The following TRARG1 variants were observed in gnomAD, a reference collection of about 807,000 sequenced individuals.
TRARG1 encodes the protein trafficking regulator of GLUT4 (SLC2A4) 1 (gene/pseudogene).
Under a neutral mutation model 13.3 loss-of-function variants are expected in TRARG1, and 16 were observed. That is an observed-to-expected ratio of 1.20 (90% CI 0.81 to 1.83). The LOEUF is 1.83. Ranked by LOEUF, TRARG1 falls within the 40% of genes most tolerant of loss-of-function variation. The probability of loss-of-function intolerance (pLI) is 0.00; values close to 1 mark genes in which losing one functional copy is unlikely to be tolerated. For synonymous variants in TRARG1, 113 were observed against 106.2 expected (o/e 1.06, Z -0.39); for missense variants, 250 against 237.4 (o/e 1.05, Z -0.35).
intron 1 of TRARG1, among the ~76,000 whole-genome samples, chr17:1,284,644 G>A (rs772260323): frequency 1.1e-3 from 163 of 152,060 alleles, no homozygotes; most frequent in Middle Eastern, 6.8e-3. Flanking sequence ...AGTAGAGGAC[G>A]GTCAGGCCCC....
chr17:1,292,169 AAAAAC>A (rs143762295), intron 1 of TRARG1, among the ~76,000 whole-genome samples: 69,390 of 150,746 alleles, frequency 0.46, 16,477 homozygotes, highest in African/African-American at 0.58. Flanking sequence ...ACTCCATCTC[AAAAAC>A]AAAACAAAAC....
chr17:1,281,739 G>T (rs947101680), intron 1 of TRARG1, among the ~76,000 whole-genome samples: 45 of 152,034 alleles, frequency 3.0e-4, no homozygotes, highest in Middle Eastern at 3.2e-3. Context: ...ACAGGGAAAG[G>T]CCCCAGGAGG....
intron 1 of TRARG1, among the ~76,000 whole-genome samples, chr17:1,284,189 C>T (rs944529775): frequency 6.6e-6 from 1 of 152,136 alleles, no homozygotes; most frequent in Admixed American, 6.6e-5. Flanking sequence ...ACTCTCCATC[C>T]CTGCCCCTCC....
chr17:1,287,542 A>G (rs1451033176), intron 1 of TRARG1, among the ~76,000 whole-genome samples: 1 of 151,568 alleles, frequency 6.6e-6, no homozygotes, highest in Non-Finnish European at 1.5e-5. Flanking sequence ...TTGTATTTTT[A>G]TAGTAGAGAT....
chr17:1,282,662 C>G (rs1023016596), intron 1 of TRARG1, among the ~76,000 whole-genome samples: 1 of 150,388 alleles, frequency 6.6e-6, no homozygotes, highest in East Asian at 2.0e-4. Flanking sequence ...AGCCACTGAA[C>G]CTGGCCTGTT....
rs996390615 is a variant in TRARG1, at chr17:1,282,310, G to A, written c.387+1922G>A. Among the ~76,000 whole-genome samples the A allele has an allele frequency of 8.9e-4, 135 of 151,130 alleles. 2 individuals carry two copies. The highest frequency in any genetic ancestry group is 1.7e-3 in the Non-Finnish European group (115 of 67,608). ...CATATATGTACGTATATGTACATAT[G>A]CGTATATATGTACATATATGTACGT... On this transcript the variant is annotated intron_variant, in intron 1 of 2. Transcript: ENST00000333813.
At chr17:1,291,223 G>C (rs1381613618) in intron 1 of TRARG1, among the ~76,000 whole-genome samples, 1 of 152,154 alleles carries the variant, frequency 6.6e-6, no homozygotes, top group Non-Finnish European at 1.5e-5. Context: ...TAATTCTCCT[G>C]CTTCAGCCTC....
chr17:1,286,677 G>A (rs2072027285), intron 1 of TRARG1, among the ~76,000 whole-genome samples: 1 of 130,900 alleles, frequency 7.6e-6, no homozygotes. Flanking sequence ...GGCCTGAGGG[G>A]TGTTATCAGC....
intron 1 of TRARG1, among the ~76,000 whole-genome samples, chr17:1,283,947 C>T (rs1048476809): frequency 1.1e-4 from 16 of 151,872 alleles, no homozygotes; most frequent in African/African-American, 3.6e-4. Flanking sequence ...CCCATCTCTA[C>T]TAAAAATGCA....
chr17:1,282,004 A>G (rs1567927841), intron 1 of TRARG1, among the ~76,000 whole-genome samples: 2 of 151,064 alleles, frequency 1.3e-5, no homozygotes, highest in Non-Finnish European at 3.0e-5. Context: ...ATACAGATAT[A>G]CACATATGTA....
intron 2 of TRARG1, among the ~76,000 whole-genome samples, chr17:1,296,516 CTT>C (rs5818791): frequency 1.5e-5 from 2 of 136,506 alleles, no homozygotes; most frequent in Admixed American, 7.3e-5. Flanking sequence ...TTTTCTCTTT[CTT>C]TTTTTTTTTT....
At chr17:1,286,611 TG>T (rs2072026249) in intron 1 of TRARG1, among the ~76,000 whole-genome samples, 1 of 90,684 alleles carries the variant, frequency 1.1e-5, no homozygotes, top group Admixed American at 1.2e-4. Flanking sequence ...GTTATTGGCC[TG>T]TGGGGTGTTG....
chr17:1,294,691 CTTT>C (rs35974763), intron 1 of TRARG1, among the ~76,000 whole-genome samples: 2 of 130,354 alleles, frequency 1.5e-5, no homozygotes. Context: ...GTCTCAAACT[CTTT>C]TTTTTTTTTT....
intron 1 of TRARG1, among the ~76,000 whole-genome samples, chr17:1,288,321 C>T (rs1468877356): frequency 1.5e-5 from 2 of 135,790 alleles, no homozygotes; most frequent in African/African-American, 2.8e-5. Context: ...GTTCCCCATC[C>T]CCCACGGGCT....
chr17:1,295,359 T>C (rs886307354), intron 1 of TRARG1, 132 bp from the exon 2 acceptor site: 3 of 1,171,094 alleles, frequency 2.6e-6, no homozygotes, highest in African/African-American at 3.1e-5. Flanking sequence ...TCCCCTAGAG[T>C]GTGGGCTGCC....
intron 1 of TRARG1, among the ~76,000 whole-genome samples, chr17:1,286,306 TCTGCTGAGG>T (rs2072019449): frequency 6.6e-6 from 1 of 152,202 alleles, no homozygotes; most frequent in South Asian, 2.1e-4. Context: ...GCCCAAGGCC[TCTGCTGAGG>T]CTGGAGACCA....
In TRARG1 at chr17:1,282,202, G is replaced by GTA. The variant is rs1567928119; in HGVS notation, c.387+1814_387+1815insTA. Among the ~76,000 whole-genome samples, 124 of 144,430 alleles carry GTA rather than the reference G, an allele frequency of 8.6e-4. 1 individual carries two copies. The highest frequency in any genetic ancestry group is 2.5e-3 in the African/African-American group (90 of 36,094). The allele number at this position is 144,430 out of a possible 152,430, so 94.8% of individuals were successfully genotyped here. On this transcript the variant is annotated intron_variant, in intron 1 of 2. Transcript: ENST00000333813. Reference sequence around the variant, plus strand: ...CGTGCGTATATGTACGTGTACACGTGCGTATATGTACGTATACACGTGCGT... The same window carrying GTA: ...CGTGCGTATATGTACGTGTACACGTGTACGTATATGTACGTATACACGTGCGT...
intron 1 of TRARG1, among the ~76,000 whole-genome samples, chr17:1,288,453 C>T (rs111697444): frequency 1.2e-4 from 13 of 107,798 alleles, no homozygotes; most frequent in Admixed American, 2.6e-4. Context: ...CCATCCCCCA[C>T]GGGTTCCTCA....
At position 1,279,891 on chromosome 17, in the gene TRARG1, C is replaced by T; in HGVS notation, c.-111C>T. ...GGCCCTCCGTCTCCTGAGGGACGCC[C>T]CTGCCCCCGACCTGGAGGCCCTCAG... On this transcript the variant is annotated 5_prime_UTR_variant, in exon 1 of 3. Coordinates refer to ENST00000333813, the MANE Select transcript of TRARG1 (RefSeq NM_172367.3). The T allele has an allele frequency of 1.5e-6, 2 of 1,333,266 alleles. No individual in the cohort carries two copies. The highest frequency in any genetic ancestry group is 1.0e-6 in the Non-Finnish European group (1 of 987,944). The allele number at this position is 1,333,266 out of a possible 1,614,324, so 82.6% of individuals were successfully genotyped here.
Sources: gnomAD v4.1 joint callset for allele counts (sites outside exome capture counted in the v4.1 genomes callset) on GRCh38, gnomAD v4.1.1 for gene constraint, MANE v1.5 for transcripts, NCBI Gene and HGNC (gene_info 2026-07-23, HGNC 2026-07-21) for gene names.